The following CDH12 variants were observed in gnomAD, a reference collection of about 807,000 sequenced individuals.
CDH12 encodes cadherin 12.
In CDH12, 41 loss-of-function variants were observed where a neutral mutation model predicts 74.1. The observed-to-expected ratio is 0.55, with a 90% confidence interval of 0.43 to 0.72. The LOEUF (loss-of-function observed/expected upper bound fraction) is 0.72. CDH12 is among the 30% of genes least tolerant of loss of function. The pLI is 0.00. For missense variants in CDH12, 945 were observed against 977.2 expected, an observed-to-expected ratio of 0.97 and a Z score of 0.44; for synonymous variants, 399 against 355.0, an observed-to-expected ratio of 1.12 and a Z score of -1.39.
chr5:22,206,900 T>A (rs200195237), intron 4 of CDH12, among the ~76,000 whole-genome samples: 5 of 151,300 alleles, frequency 3.3e-5, no homozygotes, highest in Admixed American at 1.3e-4. Context: ...TTTAGATAGT[T>A]ATCTTCAAGA....
At chr5:22,030,727 T>A (rs969398622) in intron 5 of CDH12, among the ~76,000 whole-genome samples, 3 of 152,178 alleles carry the variant, frequency 2.0e-5, no homozygotes, top group Non-Finnish European at 4.4e-5. Context: ...ACTTCCCCTG[T>A]CTAGCTATGA....
chr5:22,674,550 C>T (rs937237362), intron 1 of CDH12, among the ~76,000 whole-genome samples: 12 of 152,038 alleles, frequency 7.9e-5, no homozygotes, highest in African/African-American at 2.7e-4. Context: ...GAAAAGATAC[C>T]TGAAAATGTG....
intron 4 of CDH12, among the ~76,000 whole-genome samples, chr5:22,083,903 C>A (rs1561092697): frequency 6.6e-6 from 1 of 152,118 alleles, no homozygotes; most frequent in Non-Finnish European, 1.5e-5. Flanking sequence ...GCAGGTATTT[C>A]AATACTGGGC....
chr5:22,541,309 T>G (rs2126719298), intron 1 of CDH12, among the ~76,000 whole-genome samples: 1 of 152,340 alleles, frequency 6.6e-6, no homozygotes, highest in East Asian at 1.9e-4. Context: ...TTTCAGGCTC[T>G]TGCCTCTTAA....
chr5:21,767,076 A>C (rs368135868), intron 11 of CDH12, among the ~76,000 whole-genome samples: 6 of 152,046 alleles, frequency 3.9e-5, no homozygotes, highest in Non-Finnish European at 1.5e-5. Flanking sequence ...CAACTAATTC[A>C]TTTTATAAAG....
intron 1 of CDH12, among the ~76,000 whole-genome samples, chr5:22,780,759 A>G (rs1747347834): frequency 6.6e-6 from 1 of 152,164 alleles, no homozygotes; most frequent in Non-Finnish European, 1.5e-5. Flanking sequence ...TAGGTGACAG[A>G]ATGAGACCCT....
intron 1 of CDH12, among the ~76,000 whole-genome samples, chr5:22,637,579 A>G (rs1053766872): frequency 1.1e-4 from 16 of 152,354 alleles, no homozygotes; most frequent in African/African-American, 3.4e-4. Flanking sequence ...CAGACAGAAC[A>G]GCAAAATGGC....
At chr5:22,557,990 TTCCTC>T (rs1738874639) in intron 1 of CDH12, among the ~76,000 whole-genome samples, 1 of 152,096 alleles carries the variant, frequency 6.6e-6, no homozygotes, top group Non-Finnish European at 1.5e-5. Context: ...GTATGTTTAT[TTCCTC>T]TCATTGCTTA....
intron 4 of CDH12, among the ~76,000 whole-genome samples, chr5:22,085,522 T>C (rs1229823558): frequency 6.6e-6 from 1 of 152,156 alleles, no homozygotes; most frequent in East Asian, 1.9e-4. Flanking sequence ...TTGTGGTCTA[T>C]TTTAAATTAA....
intron 1 of CDH12, among the ~76,000 whole-genome samples, chr5:22,801,941 A>C (rs1581014289): frequency 6.6e-6 from 1 of 151,292 alleles, no homozygotes; most frequent in African/African-American, 2.4e-5. Flanking sequence ...TTGTATTCTG[A>C]GGTTTCTATT....
Position 22,355,514 on chromosome 5 carries a change from TAA to T in CDH12, c.-333+49741_-333+49742del, listed in dbSNP as rs34776687. Among the ~76,000 whole-genome samples the T allele has an allele frequency of 3.3e-3, 465 of 139,064 alleles. 1 individual carries two copies. Among genetic ancestry groups the T allele is most frequent in the African/African-American group, 6.6e-3 (240 of 36,420 alleles). 91.2% of individuals were successfully genotyped at this position (139,064 alleles called of 152,430 possible). A position where few individuals can be genotyped will look rare whatever the true frequency, so the allele number is the denominator to read the frequency against. ...AAGGAGAGAGATATATATATTTCCT[TAA>T]AAAAAAAATATATATATATATATAT... On this transcript the variant is annotated intron_variant, in intron 3 of 14. Transcript: ENST00000382254.
intron 4 of CDH12, among the ~76,000 whole-genome samples, chr5:22,166,748 CTAATA>C (rs1748706069): frequency 6.6e-6 from 1 of 152,008 alleles, no homozygotes; most frequent in Non-Finnish European, 1.5e-5. Flanking sequence ...TGCTGTTTCT[CTAATA>C]TATCAAATTT....
chr5:22,206,679 C>CAAAAAAAAAA (rs71609754), intron 4 of CDH12, among the ~76,000 whole-genome samples: 1 of 55,282 alleles, frequency 1.8e-5, no homozygotes, highest in African/African-American at 7.4e-5. Flanking sequence ...GATTCCACTG[C>CAAAAAAAAAA]AAAAAAAAAA....
chr5:22,194,308 CTTTT>C (rs59899245), intron 4 of CDH12, among the ~76,000 whole-genome samples: 1 of 139,864 alleles, frequency 7.1e-6, no homozygotes, highest in African/African-American at 2.6e-5. Context: ...CTTTTTCTTT[CTTTT>C]TTTTTTTTTT....
chr5:22,661,214 T>G (rs1740329969), intron 1 of CDH12, among the ~76,000 whole-genome samples: 1 of 152,172 alleles, frequency 6.6e-6, no homozygotes, highest in South Asian at 2.1e-4. Flanking sequence ...CTTCCACCAC[T>G]TAATCTAACA....
rs181150143 is a variant in CDH12 at position 22,115,249 on chromosome 5, C to T, written c.-186-36387G>A. Among the ~76,000 whole-genome samples the T allele has an allele frequency of 1.6e-3, 243 of 152,244 alleles. 2 individuals are homozygous for T. The highest frequency in any genetic ancestry group is 5.5e-3 in the African/African-American group (230 of 41,542). The stretch of plus-strand genomic sequence containing the variant: ...GCTATGCATTTTAACCAAAAGACTA[C>T]GTTGTCTATTTCCATAATAGCTATG... On this transcript the variant is annotated intron_variant, in intron 4 of 14. Coordinates refer to ENST00000382254, the MANE Select transcript of CDH12 (RefSeq NM_004061.5).
chr5:21,867,915 T>A (rs570713536), intron 6 of CDH12, among the ~76,000 whole-genome samples: 5 of 152,166 alleles, frequency 3.3e-5, no homozygotes, highest in Admixed American at 2.0e-4. Context: ...GTAGCTCCCA[T>A]AATTTCCTCA....
At chr5:22,764,850 T>C (rs905204120) in intron 1 of CDH12, among the ~76,000 whole-genome samples, 1 of 151,878 alleles carries the variant, frequency 6.6e-6, no homozygotes, top group Non-Finnish European at 1.5e-5. Flanking sequence ...ATCAAGATCA[T>C]GAAAGACAAA....
chr5:22,075,963 A>T (rs1200249340), intron 5 of CDH12, among the ~76,000 whole-genome samples: 1 of 152,124 alleles, frequency 6.6e-6, no homozygotes, highest in Non-Finnish European at 1.5e-5. Flanking sequence ...TACATATATA[A>T]TGGATTAAAT....
Sources: allele counts gnomAD v4.1 joint callset (sites outside exome capture counted in the v4.1 genomes callset), GRCh38; gene constraint gnomAD v4.1.1; transcripts MANE v1.5; gene names NCBI Gene and HGNC (gene_info 2026-07-23, HGNC 2026-07-21).